Variants in PXK observed in about 807,000 individuals in gnomAD.
The protein encoded by PXK is PX domain containing serine/threonine kinase like.
A neutral mutation model predicts 84.7 loss-of-function variants in PXK; 35 were observed. That is an observed-to-expected ratio of 0.41 (90% confidence interval 0.32 to 0.55). The LOEUF (loss-of-function observed/expected upper bound fraction) is 0.55, where lower values mean the gene tolerates loss of function less well. Ranked by LOEUF, PXK falls within the 20% of genes least tolerant of loss-of-function variation. PXK has a pLI of 0.21. For missense variants in PXK, 634 were observed against 699.7 expected, an observed-to-expected ratio of 0.91 and a Z score of 1.06; for synonymous variants, 253 against 260.8, an observed-to-expected ratio of 0.97 and a Z score of 0.29.
chr3:58,360,827 G>A (rs1262577841), intron 1 of PXK, among the ~76,000 whole-genome samples: 13 of 141,692 alleles, frequency 9.2e-5, no homozygotes, highest in Non-Finnish European at 1.4e-4. Flanking sequence ...GTGAGACCCC[G>A]ACTGAAAAAA....
At chr3:58,402,420 T>TTTTTC (rs1226963088) in intron 12 of PXK, among the ~76,000 whole-genome samples, 1 of 151,550 alleles carries the variant, frequency 6.6e-6, no homozygotes, top group Non-Finnish European at 1.5e-5. Context: ...TGCTATTGTT[T>TTTTTC]TTTTCTTTTC....
intron 1 of PXK, among the ~76,000 whole-genome samples, chr3:58,360,564 A>C (rs563415394): frequency 7.0e-4 from 106 of 152,276 alleles, no homozygotes; most frequent in Admixed American, 1.6e-3. Flanking sequence ...GGCTGGGCAC[A>C]GTGGCTCATA....
rs1269218313 is a variant in PXK at position 58,336,852 on chromosome 3, C to A, written c.102+3762C>A. On this transcript the variant is annotated intron_variant, in intron 1 of 17. Transcript: ENST00000356151. Reference sequence around the variant, plus strand: ...TGGGGGACAGAGTCTCGCTCTGTCACCAGACTAGAGTGCAGGTCGCAATCT... The same window carrying A: ...TGGGGGACAGAGTCTCGCTCTGTCAACAGACTAGAGTGCAGGTCGCAATCT... 2.0e-5 allele frequency among the ~76,000 whole-genome samples: 3 copies of A among 152,060 alleles called. No homozygotes were observed. The East Asian group carries it at 5.8e-4, about 29-fold the overall frequency.
At chr3:58,394,252 A>G (rs2098659167) in intron 7 of PXK, among the ~76,000 whole-genome samples, 1 of 152,218 alleles carries the variant, frequency 6.6e-6, no homozygotes. Context: ...GAGCTAGTGA[A>G]CATTGTAATA....
intron 1 of PXK, among the ~76,000 whole-genome samples, chr3:58,351,855 C>T (rs1194665332): frequency 6.6e-6 from 1 of 152,156 alleles, no homozygotes; most frequent in African/African-American, 2.4e-5. Flanking sequence ...CCACCGTCTT[C>T]TGTGCTTGCT....
intron 3 of PXK, among the ~76,000 whole-genome samples, chr3:58,374,701 AT>A (rs897613987): frequency 6.6e-5 from 10 of 152,030 alleles, no homozygotes; most frequent in East Asian, 5.8e-4. Context: ...CATGTGTAGT[AT>A]TTTTTTCCCT....
In PXK at chr3:58,411,985, T is replaced by C. The variant is rs1352406767; in HGVS notation, c.1466-916T>C. The stretch of plus-strand genomic sequence containing the variant: ...GTGTCCATGAGACACCAACATGTCC[T>C]GTGGGTAGTGAGGGAAGTGATGGCT... On this transcript the variant is annotated intron_variant, in intron 16 of 17. Coordinates refer to ENST00000356151, the MANE Select transcript of PXK (RefSeq NM_017771.5). The surrounding 1 kb of genome is among the most constrained non-coding windows in gnomAD (Gnocchi z 4.2). Among the ~76,000 whole-genome samples the C allele has an allele frequency of 6.6e-6, 1 of 152,150 alleles. No homozygotes were observed. The highest frequency in any genetic ancestry group is 1.5e-5 in the Non-Finnish European group (1 of 68,030).
intron 17 of PXK, among the ~76,000 whole-genome samples, chr3:58,415,018 T>A (rs942110904): frequency 4.6e-5 from 7 of 152,190 alleles, no homozygotes; most frequent in African/African-American, 7.2e-5. Context: ...GGAGTCACAT[T>A]TCCAGTGCCT....
chr3:58,399,814 C>A lies in PXK; in HGVS notation c.1181+437C>A, dbSNP rs1043310944. 6.6e-6 allele frequency among the ~76,000 whole-genome samples: 1 copy of A among 151,936 alleles called. No individual in the cohort carries two copies. Among genetic ancestry groups the A allele is most frequent in the African/African-American group, 2.4e-5 (1 of 41,362 alleles). On this transcript the variant is annotated intron_variant, in intron 12 of 17. Transcript: ENST00000356151. The surrounding 1 kb of genome is among the most constrained non-coding windows in gnomAD (Gnocchi z 4.3). ...GGTCTGCCCTCCAGGAAGAGGGCAA[C>A]GTGTTTCTGAGCACCCATGCTTCTG...
chr3:58,357,352 A>C (rs929641551), intron 1 of PXK, among the ~76,000 whole-genome samples: 6 of 151,980 alleles, frequency 3.9e-5, no homozygotes, highest in Non-Finnish European at 8.8e-5. Context: ...GATCATCAGT[A>C]TGACTGTCTT....
At chr3:58,408,259 C>T (rs1472353492) in intron 13 of PXK, among the ~76,000 whole-genome samples, 1 of 152,196 alleles carries the variant, frequency 6.6e-6, no homozygotes. Flanking sequence ...CAGTACCACA[C>T]TGTTTTAATT....
In PXK at chr3:58,421,452, G is replaced by A. The variant is rs902257210; in HGVS notation, c.1529-3300G>A. On this transcript the variant is annotated intron_variant, in intron 17 of 17. Coordinates refer to ENST00000356151, the MANE Select transcript of PXK (RefSeq NM_017771.5). The surrounding 1 kb of genome is among the most constrained non-coding windows in gnomAD (Gnocchi z 5.5). ...AAAAATTAGGTGGGCATGGTACCAC[G>A]CGCCTGTAATCCCAGCTACTCGGGA... is the stretch of plus-strand genomic sequence containing the variant. 1.1e-4 allele frequency: 82 copies of A among 768,754 alleles called. No individual in the cohort carries two copies. The highest frequency in any genetic ancestry group is 1.3e-4 in the East Asian group (1 of 7,748). The allele number at this position is 768,754 out of a possible 1,614,324, so 47.6% of individuals were successfully genotyped here.
At position 58,370,645 on chromosome 3, in the gene PXK, G is replaced by A. The variant is rs2098353851; in HGVS notation, c.201+1167G>A. On this transcript the variant is annotated intron_variant, in intron 3 of 17. Transcript: ENST00000356151. This position sits in a 1 kb window ranked among gnomAD's most constrained non-coding sequence, Gnocchi z 4.2. The stretch of plus-strand genomic sequence containing the variant: ...AAAGGTCAGGAGGACTGTGCACTAG[G>A]AGGAAGCGTAATACTTCCTTTCCTT... Among the ~76,000 whole-genome samples the A allele has an allele frequency of 6.6e-6, 1 of 152,118 alleles. No individual in the cohort carries two copies. The highest frequency in any genetic ancestry group is 1.5e-5 in the Non-Finnish European group (1 of 68,014).
At chr3:58,387,948 A>G (rs1475691538) in intron 4 of PXK, among the ~76,000 whole-genome samples, 1 of 152,208 alleles carries the variant, frequency 6.6e-6, no homozygotes, top group South Asian at 2.1e-4. Context: ...GACCCCACAC[A>G]CTGTGGGAGA....
rs1302014575 is a variant in PXK, at chr3:58,416,388, A to G, written c.1528+3425A>G. 6.6e-6 allele frequency among the ~76,000 whole-genome samples: 1 copy of G among 152,170 alleles called. No homozygotes were observed. Among genetic ancestry groups the G allele is most frequent in the Non-Finnish European group, 1.5e-5 (1 of 68,030 alleles). On this transcript the variant is annotated intron_variant, in intron 17 of 17. Transcript: ENST00000356151. This position sits in a 1 kb window ranked among gnomAD's most constrained non-coding sequence, Gnocchi z 4.8. Reference sequence around the variant, plus strand: ...ATGCCTTGAGGTTTACAGGTCCCTAAAAGTTGGGGGCGGTCCCAGTTTCTA... The same window carrying G: ...ATGCCTTGAGGTTTACAGGTCCCTAGAAGTTGGGGGCGGTCCCAGTTTCTA...
chr3:58,344,032 CTG>C (rs754195669), intron 1 of PXK, among the ~76,000 whole-genome samples: 6 of 152,126 alleles, frequency 3.9e-5, no homozygotes, highest in Non-Finnish European at 8.8e-5. Context: ...ACAGGTAAAA[CTG>C]TATATAATTG....
intron 17 of PXK, chr3:58,420,721 G>C: frequency 2.1e-6 from 3 of 1,447,962 alleles, no homozygotes; most frequent in Admixed American, 2.7e-5. Context: ...ATGAAATACA[G>C]CATCTTTAAA....
chr3:58,341,883 T>C (rs1036338857), intron 1 of PXK, among the ~76,000 whole-genome samples: 1 of 151,916 alleles, frequency 6.6e-6, no homozygotes, highest in African/African-American at 2.4e-5. Flanking sequence ...TTTGTATTTT[T>C]AGTAGAGATG....
chr3:58,361,851 A>T (rs907566017), intron 1 of PXK, among the ~76,000 whole-genome samples: 2 of 152,344 alleles, frequency 1.3e-5, no homozygotes, highest in East Asian at 3.9e-4. Context: ...TTTCTTTGGA[A>T]TAAATGTCTA....
Sources: allele counts gnomAD v4.1 joint callset (sites outside exome capture counted in the v4.1 genomes callset), GRCh38; gene constraint gnomAD v4.1.1; non-coding constraint Gnocchi (gnomAD v3.1); transcripts MANE v1.5; gene names NCBI Gene and HGNC (gene_info 2026-07-23, HGNC 2026-07-21).